TULP2: variants seen among roughly 807,000 people sequenced by gnomAD.
TULP2 encodes tubby-related protein 2.
Under a neutral mutation model 60.3 loss-of-function variants are expected in TULP2, and 64 were observed. The observed-to-expected ratio is 1.06, with a 90% CI of 0.87 to 1.31. TULP2 has a LOEUF of 1.31. TULP2 is among the 50% of genes most tolerant of loss of function. TULP2 has a pLI of 0.00. For missense variants in TULP2, 652 were observed against 667.0 expected (o/e 0.98, Z 0.25); for synonymous variants, 267 against 265.4 (o/e 1.01, Z -0.06).
In TULP2 at chr19:48,896,489, T is replaced by TCAGGATTGGCCTGAACCATGAGGAGCTCC; in HGVS notation, c.123_151dup (p.Asp51GlyfsTer27). On this transcript the variant is annotated frameshift_variant, in exon 4 of 13. Transcript: ENST00000221399. LOFTEE classifies it high-confidence loss of function. The stretch of plus-strand genomic sequence containing the variant: ...AGAGCGCCAAAGCCACGGGGAAGCG[T>TCAGGATTGGCCTGAACCATGAGGAGCTCC]CAGGATTGGCCTGAACCATGAGGAG... The TCAGGATTGGCCTGAACCATGAGGAGCTCC allele has an allele frequency of 1.2e-6, 2 of 1,611,448 alleles. No homozygotes were observed. Among genetic ancestry groups the TCAGGATTGGCCTGAACCATGAGGAGCTCC allele is most frequent in the Non-Finnish European group, 1.7e-6 (2 of 1,179,000 alleles).
Position 48,887,311 on chromosome 19 carries a change from C to CTTTTT in TULP2, c.948+634_948+638dup, listed in dbSNP as rs58640342. Among the ~76,000 whole-genome samples, 329 of 39,360 alleles carry CTTTTT rather than the reference C, an allele frequency of 8.4e-3. 92 individuals are homozygous for CTTTTT. The highest frequency in any genetic ancestry group is 0.021 in the Admixed American group (42 of 1,996). 25.8% of individuals were successfully genotyped at this position (39,360 alleles called of 152,430 possible). Reference sequence around the variant, plus strand: ...CAAGTGTGAGCCACCGCGCCCAGCCCTTTTTTTTTTTTTTTTTTTTTTTTT... The same window carrying CTTTTT: ...CAAGTGTGAGCCACCGCGCCCAGCCCTTTTTTTTTTTTTTTTTTTTTTTTTTTTTT... On this transcript the variant is annotated intron_variant, in intron 8 of 12. Coordinates refer to ENST00000221399, the MANE Select transcript of TULP2 (RefSeq NM_003323.3).
intron 6 of TULP2, among the ~76,000 whole-genome samples, chr19:48,892,564 C>T (rs757530420): frequency 1.3e-5 from 2 of 151,044 alleles, no homozygotes; most frequent in East Asian, 1.9e-4. Flanking sequence ...AGTGCAGTGG[C>T]GCGATCTCAG....
intron 9 of TULP2, among the ~76,000 whole-genome samples, chr19:48,885,049 C>T (rs1303599553): frequency 2.0e-5 from 3 of 150,892 alleles, no homozygotes; most frequent in African/African-American, 4.9e-5. Flanking sequence ...TACAGGTTCA[C>T]GCCACTATGC....
intron 8 of TULP2, among the ~76,000 whole-genome samples, chr19:48,886,714 G>A (rs1284830571): frequency 6.6e-6 from 1 of 151,948 alleles, no homozygotes; most frequent in Non-Finnish European, 1.5e-5. Flanking sequence ...TCAGGATTGA[G>A]TGAGGCCTGA....
chr19:48,895,544 A>C (rs559821385), intron 4 of TULP2, 41 bp from the exon 5 acceptor site: 1 of 1,572,900 alleles, frequency 6.4e-7, no homozygotes, highest in South Asian at 1.1e-5. Context: ...CGATCTACAA[A>C]TTCCGGTCCT....
rs1599965328 is a variant in TULP2, at chr19:48,881,698, A to G, written c.1447+334T>C. Among the ~76,000 whole-genome samples, 4 of 151,888 alleles carry G rather than the reference A, an allele frequency of 2.6e-5. 1 individual carries two copies. The highest frequency in any genetic ancestry group is 2.6e-4 in the Admixed American group (4 of 15,208). On this transcript the variant is annotated intron_variant, in intron 12 of 12. Transcript: ENST00000221399. ...TGCCCGGCCTAATTTTTGTATTTTT[A>G]GTAGAGACAGGGTTTCACCATGTTG...
At chr19:48,898,024 GTGC>G (rs1185456562) in intron 1 of TULP2, among the ~76,000 whole-genome samples, 155 bp from the exon 2 acceptor site, 1 of 151,938 alleles carries the variant, frequency 6.6e-6, no homozygotes, top group African/African-American at 2.4e-5. Context: ...CCAGGCTGCA[GTGC>G]AGTGGCGCCA....
In TULP2 at chr19:48,895,179, G is replaced by T; in HGVS notation, c.350-17C>A. 6.2e-7 allele frequency: 1 copy of T among 1,610,538 alleles called. No individual in the cohort carries two copies. The highest frequency in any genetic ancestry group is 8.5e-7 in the Non-Finnish European group (1 of 1,178,432). On this transcript the variant is annotated splice_polypyrimidine_tract_variant and intron_variant, in intron 5 of 12. Transcript: ENST00000221399. ...TCCTGAACACTGAGGAAGGAAGGAG[G>T]GGAGAGTTGGATTTCTGGATGCTGC...
chr19:48,891,634 G>A (rs568554983), intron 6 of TULP2, among the ~76,000 whole-genome samples: 1 of 152,208 alleles, frequency 6.6e-6, no homozygotes, highest in Non-Finnish European at 1.5e-5. Flanking sequence ...CACACCCGTG[G>A]GTATTTCTCG....
At position 48,882,099 on chromosome 19, in the gene TULP2, C is replaced by G. The variant is rs374845626; in HGVS notation, c.1380G>C (p.Thr460=). The G allele has an allele frequency of 6.2e-7, 1 of 1,614,148 alleles. No individual in the cohort carries two copies. The highest frequency in any genetic ancestry group is 1.7e-5 in the Admixed American group (1 of 60,010). The change falls in exon 12 of 13, where the codon ACG becomes ACC. Residue 460 remains threonine, a synonymous_variant. Transcript: ENST00000221399. Reference sequence around the variant, plus strand: ...GAGTGACTCGACCATGGAAATTGAGCGTGTAGACACCGTTCTCCTTGTCCC... The same window carrying G: ...GAGTGACTCGACCATGGAAATTGAGGGTGTAGACACCGTTCTCCTTGTCCC... ...PSWDKENGVY[T]LNFHGRVTRA...
chr19:48,887,343 T>TTTTTTTTTTA (rs1568571174), intron 8 of TULP2, among the ~76,000 whole-genome samples: 4 of 88,782 alleles, frequency 4.5e-5, no homozygotes, highest in Non-Finnish European at 6.1e-5. Context: ...TTTTTTTTTT[T>TTTTTTTTTTA]ATGCAGAGTC....
At position 48,896,514 on chromosome 19, in the gene TULP2, G is replaced by A. The variant is rs776850091; in HGVS notation, c.127C>T (p.Leu43Phe). The A allele has an allele frequency of 6.2e-7, 1 of 1,606,856 alleles. No homozygotes were observed. ...TCAGGATTGGCCTGAACCATGAGGA[G>A]CTCCTGGCGCTTCTGTCGCTGCTTC... ...EKKQRQKRQE[L>F]LMVQANPDAS... Residue 43 changes from leucine (L) to phenylalanine (F), a missense_variant, in exon 4 of 13, where the codon CTC becomes TTC. Transcript: ENST00000221399.
chr19:48,889,634 A>G lies in TULP2; in HGVS notation c.515-3T>C, dbSNP rs763496912. 34 of 1,572,438 alleles carry G rather than the reference A, an allele frequency of 2.2e-5. No individual in the cohort carries two copies. The highest frequency in any genetic ancestry group is 2.5e-5 in the Non-Finnish European group (29 of 1,150,080). ...ACTCTCACCCTCTGCACGGGTCCCT[A>G]ATGTGGGGAAAAGCAAGAGAGATCA... On this transcript the variant is annotated splice_region_variant and splice_polypyrimidine_tract_variant and intron_variant, in intron 6 of 12. Coordinates refer to ENST00000221399, the MANE Select transcript of TULP2 (RefSeq NM_003323.3).
chr19:48,896,862 C>A, intron 3 of TULP2: 1 of 329,498 alleles, frequency 3.0e-6, no homozygotes, highest in Admixed American at 4.6e-5. Flanking sequence ...ACCCCCAATT[C>A]CTATTTTCTT....
chr19:48,883,843 C>T lies in TULP2; in HGVS notation c.1186G>A (p.Val396Ile), dbSNP rs774077208. The T allele has an allele frequency of 2.4e-5, 38 of 1,614,090 alleles. No individual in the cohort carries two copies. In the Admixed American group the frequency reaches 3.7e-4, roughly 16 times the overall value. Residue 396 changes from valine to isoleucine, a missense_variant, in exon 11 of 13, where the codon GTC becomes ATC. Val to Ile is a conservative substitution (Grantham distance 29). Transcript: ENST00000221399. ...TTCCGAGGCCCCAGGTATCCTAAGA[C>T]GTTGGGCTCCTGGGGGTATTACATT... The part of the protein sequence containing the change: ...ELGAVCYEPN[V>I]LGYLGPRKMT...
intron 9 of TULP2, among the ~76,000 whole-genome samples, chr19:48,884,627 A>G (rs2037163286): frequency 6.6e-6 from 1 of 151,002 alleles, no homozygotes; most frequent in Non-Finnish European, 1.5e-5. Context: ...AAAATTAGCC[A>G]GGCGTGGTGG....
chr19:48,896,031 T>TGA (rs2037275744), intron 4 of TULP2, among the ~76,000 whole-genome samples: 1 of 152,178 alleles, frequency 6.6e-6, no homozygotes, highest in Admixed American at 6.5e-5. Context: ...GCTCTCGTAA[T>TGA]GAGACCGCGC....
chr19:48,888,399 TC>T, intron 7 of TULP2, 138 bp from the exon 8 acceptor site: 1 of 857,464 alleles, frequency 1.2e-6, no homozygotes, highest in Non-Finnish European at 1.7e-6. Flanking sequence ...TCTCATTCAG[TC>T]CACCCAGTCA....
At chr19:48,896,709 C>A (rs1364257806) in intron 3 of TULP2, 153 bp from the exon 4 acceptor site, 2 of 873,288 alleles carry the variant, frequency 2.3e-6, no homozygotes, top group Non-Finnish European at 3.3e-6. Context: ...AGTTCTTCAG[C>A]AGCTCCTCCC....
Sources: gnomAD v4.1 joint callset for allele counts (sites outside exome capture counted in the v4.1 genomes callset) on GRCh38, gnomAD v4.1.1 for gene constraint, MANE v1.5 for transcripts, NCBI Gene and HGNC (gene_info 2026-07-23, HGNC 2026-07-21) for gene names.